Variants in KALRN observed in about 807,000 individuals in gnomAD.
The protein encoded by KALRN is kalirin.
A neutral mutation model predicts 353.7 loss-of-function variants in KALRN; 70 were observed. The observed-to-expected ratio is 0.20, with a 90% CI of 0.16 to 0.24. The LOEUF (loss-of-function observed/expected upper bound fraction) is 0.24, where lower values mean the gene tolerates loss of function less well. KALRN is among the 10% of genes least tolerant of loss of function. The pLI is 1.00. For synonymous variants in KALRN, 1,391 were observed against 1,434.8 expected (o/e 0.97, Z 0.69); for missense variants, 2,791 against 3,756.7 (o/e 0.74, Z 6.72).
intron 49 of KALRN, among the ~76,000 whole-genome samples, chr3:124,677,859 A>G (rs1427335121): frequency 1.3e-5 from 2 of 152,174 alleles, no homozygotes; most frequent in Non-Finnish European, 2.9e-5. Flanking sequence ...GCCCTTCTCA[A>G]GAGGAATTCC....
intron 3 of KALRN, among the ~76,000 whole-genome samples, chr3:124,252,962 T>G (rs2071392839): frequency 6.6e-6 from 1 of 152,256 alleles, no homozygotes; most frequent in Admixed American, 6.5e-5. Flanking sequence ...TCATTCTCTG[T>G]AAGACACTGT....
intron 51 of KALRN, among the ~76,000 whole-genome samples, chr3:124,679,998 T>G (rs919361483): frequency 1.3e-5 from 2 of 152,244 alleles, no homozygotes; most frequent in African/African-American, 4.8e-5. Flanking sequence ...TATTCCCTGC[T>G]CAGTGTTCCA....
intron 1 of KALRN, among the ~76,000 whole-genome samples, chr3:124,178,229 C>T (rs1033301185): frequency 6.6e-6 from 1 of 152,164 alleles, no homozygotes; most frequent in African/African-American, 2.4e-5. Context: ...CAGTGGATGC[C>T]TGAAACCGTG....
At chr3:124,111,056 A>G (rs1315144677) in intron 1 of KALRN, among the ~76,000 whole-genome samples, 5 of 152,192 alleles carry the variant, frequency 3.3e-5, no homozygotes, top group African/African-American at 1.2e-4. Context: ...TGACCTAGAA[A>G]TTCTTTATCT....
intron 34 of KALRN, among the ~76,000 whole-genome samples, chr3:124,615,645 G>T (rs2078500516): frequency 6.6e-6 from 1 of 152,136 alleles, no homozygotes. Flanking sequence ...CTGAAATTAT[G>T]TCAAAATAAA....
At chr3:124,232,891 A>G (rs932563151) in intron 2 of KALRN, among the ~76,000 whole-genome samples, 2 of 152,182 alleles carry the variant, frequency 1.3e-5, no homozygotes, top group African/African-American at 4.8e-5. Context: ...GGAAAAAAAA[A>G]AGCAGAAACT....
chr3:124,143,415 C>G (rs2066885072), intron 1 of KALRN, among the ~76,000 whole-genome samples: 1 of 152,124 alleles, frequency 6.6e-6, no homozygotes, highest in Non-Finnish European at 1.5e-5. Flanking sequence ...TTTTTGATGA[C>G]AGGAGTATGA....
chr3:124,539,763 T>C (rs115442863), intron 33 of KALRN, among the ~76,000 whole-genome samples: 2 of 152,216 alleles, frequency 1.3e-5, no homozygotes, highest in African/African-American at 4.8e-5. Flanking sequence ...ATTTGTATCA[T>C]TTTGTGTTTT....
intron 26 of KALRN, among the ~76,000 whole-genome samples, chr3:124,475,302 A>T (rs7623685): frequency 6.6e-6 from 1 of 152,030 alleles, no homozygotes; most frequent in Non-Finnish European, 1.5e-5. Flanking sequence ...CTGACCCACA[A>T]GATGAGTGAC....
At chr3:124,533,885 C>T (rs764239327) in intron 33 of KALRN, among the ~76,000 whole-genome samples, 3 of 151,966 alleles carry the variant, frequency 2.0e-5, no homozygotes, top group Non-Finnish European at 4.4e-5. Context: ...AGTAACTTCA[C>T]AGTGGAGAAA....
intron 34 of KALRN, among the ~76,000 whole-genome samples, chr3:124,610,566 G>T (rs2077827419): frequency 6.6e-6 from 1 of 152,108 alleles, no homozygotes; most frequent in Non-Finnish European, 1.5e-5. Flanking sequence ...GGTGGTTGGG[G>T]GTGTGGGCTC....
At chr3:124,667,531 T>C (rs1273550758) in intron 47 of KALRN, among the ~76,000 whole-genome samples, 1 of 152,228 alleles carries the variant, frequency 6.6e-6, no homozygotes, top group East Asian at 1.9e-4. Context: ...AGAAATGATA[T>C]GTGTTTTTCC....
intron 22 of KALRN, among the ~76,000 whole-genome samples, chr3:124,456,072 A>G (rs1054132667): frequency 2.0e-5 from 3 of 152,224 alleles, no homozygotes; most frequent in African/African-American, 4.8e-5. Context: ...TCCATCATAT[A>G]TAAATACCAA....
rs139103979 is a variant in KALRN at position 124,713,118 on chromosome 3, C to T, written c.8259C>T (p.Tyr2753=). 205 of 1,613,580 alleles carry T rather than the reference C, an allele frequency of 1.3e-4. No homozygotes were observed. The African/African-American group carries it at 2.1e-3, about 16-fold the overall frequency. ...ACACCTATGAGTCCCCCACATCCTA[C>T]ATCCTGATCTTGGAACTGTAAGTAC... ...LHDTYESPTS[Y]ILILELMDDG... The change falls in exon 58 of 60, where the codon TAC becomes TAT. Residue 2753 remains tyrosine (Y), a synonymous_variant. Coordinates refer to ENST00000682506, the MANE Select transcript of KALRN (RefSeq NM_001388419.1).
intron 37 of KALRN, among the ~76,000 whole-genome samples, chr3:124,648,093 G>C (rs576818402): frequency 1.2e-4 from 18 of 152,334 alleles, no homozygotes; most frequent in Non-Finnish European, 2.5e-4. Flanking sequence ...CCCAGGAGCA[G>C]AACAGAGAAT....
chr3:124,526,327 C>T (rs770330190), intron 33 of KALRN, among the ~76,000 whole-genome samples: 3 of 152,128 alleles, frequency 2.0e-5, no homozygotes, highest in Non-Finnish European at 4.4e-5. Context: ...AATCCTAGCA[C>T]TTTGGGAGGC....
At chr3:124,215,086 C>T (rs1208044087) in intron 1 of KALRN, among the ~76,000 whole-genome samples, 1 of 152,144 alleles carries the variant, frequency 6.6e-6, no homozygotes, top group Non-Finnish European at 1.5e-5. Context: ...AGGAACAAGG[C>T]CTGCCAACTG....
At chr3:124,052,866 T>C (rs540694475) in intron 1 of KALRN, among the ~76,000 whole-genome samples, 63 of 152,200 alleles carry the variant, frequency 4.1e-4, no homozygotes, top group Non-Finnish European at 8.4e-4. Flanking sequence ...GAGGAATTCA[T>C]TATCCATAGT....
At chr3:124,159,114 CTTAT>C (rs1220152007) in intron 1 of KALRN, among the ~76,000 whole-genome samples, 1 of 152,192 alleles carries the variant, frequency 6.6e-6, no homozygotes, top group Non-Finnish European at 1.5e-5. Flanking sequence ...AAATTCCAGG[CTTAT>C]TTGTACCTCT....
Sources: allele counts gnomAD v4.1 joint callset (sites outside exome capture counted in the v4.1 genomes callset), GRCh38; gene constraint gnomAD v4.1.1; transcripts MANE v1.5; gene names NCBI Gene and HGNC (gene_info 2026-07-23, HGNC 2026-07-21).